NME7: variants seen among roughly 807,000 people sequenced by gnomAD.
NME7 encodes the protein nucleoside diphosphate kinase 7.
In NME7, 41 loss-of-function variants were observed where a neutral mutation model predicts 49.1. The ratio of observed to expected loss-of-function variants is 0.83; its 90% CI spans 0.65 to 1.08. The LOEUF (loss-of-function observed/expected upper bound fraction) is 1.08, where lower values mean the gene tolerates loss of function less well. Ranked by LOEUF, NME7 falls within the 50% of genes least tolerant of loss-of-function variation. The pLI is 0.00. For synonymous variants in NME7, 139 were observed against 150.6 expected, an observed-to-expected ratio of 0.92 and a Z score of 0.56; for missense variants, 423 against 463.4, an observed-to-expected ratio of 0.91 and a Z score of 0.80.
intron 7 of NME7, among the ~76,000 whole-genome samples, chr1:169,278,999 G>C (rs12088672): frequency 0.048 from 7,246 of 152,226 alleles, 226 homozygotes; most frequent in East Asian, 0.12. Flanking sequence ...CAGAACAGTG[G>C]ATTTTCATGA....
intron 7 of NME7, among the ~76,000 whole-genome samples, chr1:169,267,872 T>C (rs1001145879): frequency 7.5e-6 from 1 of 133,474 alleles, no homozygotes; most frequent in African/African-American, 2.5e-5. Flanking sequence ...ATTTTGTACA[T>C]AGGAACTGGC....
chr1:169,320,439 C>T (rs1007476132), intron 3 of NME7, among the ~76,000 whole-genome samples: 16 of 152,278 alleles, frequency 1.1e-4, no homozygotes, highest in African/African-American at 2.4e-4. Context: ...CTCCTCACTA[C>T]AGGCTTTACT....
chr1:169,342,131 AT>A, intron 1 of NME7, among the ~76,000 whole-genome samples: 1 of 152,274 alleles, frequency 6.6e-6, no homozygotes, highest in African/African-American at 2.4e-5. Context: ...CCCAAATCTC[AT>A]TTCGAATTGT....
chr1:169,281,087 A>T (rs930867121), intron 7 of NME7, among the ~76,000 whole-genome samples: 1 of 152,126 alleles, frequency 6.6e-6, no homozygotes. Context: ...CCTATCCATG[A>T]GCATGGAATG....
intron 10 of NME7, among the ~76,000 whole-genome samples, chr1:169,220,871 G>A (rs544858559): frequency 6.6e-6 from 1 of 152,174 alleles, no homozygotes; most frequent in South Asian, 2.1e-4. Context: ...GAAATGCTTG[G>A]CACATGTTAA....
At chr1:169,342,878 G>GTATA (rs1179944183) in intron 1 of NME7, among the ~76,000 whole-genome samples, 2 of 74,562 alleles carry the variant, frequency 2.7e-5, no homozygotes, top group Admixed American at 1.7e-4. Flanking sequence ...CATATATATA[G>GTATA]TATATATACA....
chr1:169,365,507 T>G (rs74121629), intron 1 of NME7, among the ~76,000 whole-genome samples: 3,060 of 152,298 alleles, frequency 0.02, 105 homozygotes, highest in African/African-American at 0.07. Context: ...TACTACCAGT[T>G]TGAAGTTGCT....
chr1:169,231,757 A>G (rs190736115), intron 9 of NME7, among the ~76,000 whole-genome samples: 59 of 152,248 alleles, frequency 3.9e-4, no homozygotes, highest in African/African-American at 1.3e-3. Flanking sequence ...AGGGTACTGC[A>G]CCATAGCAGT....
rs75587524 is a variant in NME7 at position 169,171,022 on chromosome 1, C to T, written c.991-1468G>A. On this transcript the variant is annotated intron_variant, in intron 10 of 11. Transcript: ENST00000367811. ...TGAAATTGTGAAAAGTGAGTACTAA[C>T]GTTCTTTTTCTTATTTCCGGTCAGG... 4.5e-3 allele frequency among the ~76,000 whole-genome samples: 684 copies of T among 152,230 alleles called. 6 individuals carry two copies. The highest frequency in any genetic ancestry group is 0.015 in the African/African-American group (641 of 41,534).
At chr1:169,161,121 T>C (rs551306279) in intron 11 of NME7, among the ~76,000 whole-genome samples, 1 of 152,284 alleles carries the variant, frequency 6.6e-6, no homozygotes, top group Admixed American at 6.5e-5. Flanking sequence ...TTTATTTGGA[T>C]CCCTAATGGC....
intron 7 of NME7, among the ~76,000 whole-genome samples, chr1:169,238,511 A>ACACACACACC (rs1553249035): frequency 6.6e-6 from 1 of 150,774 alleles, no homozygotes; most frequent in African/African-American, 2.5e-5. Context: ...ACACACACAC[A>ACACACACACC]CACACCATAT....
chr1:169,320,757 C>A (rs1380079448), intron 3 of NME7, among the ~76,000 whole-genome samples: 3 of 152,052 alleles, frequency 2.0e-5, no homozygotes, highest in Non-Finnish European at 4.4e-5. Flanking sequence ...AAAATATATA[C>A]TACATATATT....
chr1:169,235,611 AAAG>A (rs533861612), intron 8 of NME7, among the ~76,000 whole-genome samples: 69 of 152,260 alleles, frequency 4.5e-4, no homozygotes, highest in Middle Eastern at 6.8e-3. Flanking sequence ...TCTTGATACA[AAAG>A]AAGATTTATA....
At chr1:169,249,853 T>C (rs1648487558) in intron 7 of NME7, among the ~76,000 whole-genome samples, 1 of 152,160 alleles carries the variant, frequency 6.6e-6, no homozygotes, top group Non-Finnish European at 1.5e-5. Context: ...GTATTATCTT[T>C]TTGATGTGCT....
At chr1:169,260,670 T>C (rs78106765) in intron 7 of NME7, among the ~76,000 whole-genome samples, 3,498 of 132,664 alleles carry the variant, frequency 0.026, 529 homozygotes, top group African/African-American at 0.084. Context: ...TACGCAGATG[T>C]TTAATCTGCA....
intron 9 of NME7, 42 bp downstream of exon 9, chr1:169,235,089 C>A: frequency 1.7e-6 from 2 of 1,161,530 alleles, no homozygotes; most frequent in East Asian, 2.5e-5. Flanking sequence ...CTATACTTTT[C>A]ACTTAACAGT....
chr1:169,149,195 G>A (rs973921231), intron 11 of NME7, among the ~76,000 whole-genome samples: 1 of 152,122 alleles, frequency 6.6e-6, no homozygotes, highest in Admixed American at 6.5e-5. Context: ...ACAAACAATA[G>A]CCGGGTGTGG....
intron 7 of NME7, among the ~76,000 whole-genome samples, chr1:169,276,035 C>T (rs1336122438): frequency 7.5e-6 from 1 of 133,608 alleles, no homozygotes; most frequent in East Asian, 2.0e-4. Context: ...AGGGATGAAG[C>T]CCACTTGATC....
intron 7 of NME7, among the ~76,000 whole-genome samples, chr1:169,252,429 T>C (rs1459363004): frequency 6.6e-6 from 1 of 151,994 alleles, no homozygotes; most frequent in Non-Finnish European, 1.5e-5. Context: ...TCTTAAAAAT[T>C]TGTTTGAGTT....
Sources: gnomAD v4.1 joint callset for allele counts (sites outside exome capture counted in the v4.1 genomes callset) on GRCh38, gnomAD v4.1.1 for gene constraint, MANE v1.5 for transcripts, NCBI Gene and HGNC (gene_info 2026-07-23, HGNC 2026-07-21) for gene names.